The following GRID2 variants were observed in gnomAD, a reference collection of about 807,000 sequenced individuals.
GRID2 encodes glutamate receptor ionotropic, delta-2.
Under a neutral mutation model 114.8 loss-of-function variants are expected in GRID2, and 33 were observed. That is an observed-to-expected ratio of 0.29 (90% confidence interval 0.22 to 0.38). The LOEUF (loss-of-function observed/expected upper bound fraction) is 0.38, where lower values mean the gene tolerates loss of function less well. Among genes scored for constraint, GRID2 ranks in the 10% least tolerant of loss-of-function variants. GRID2 has a pLI of 1.00. For synonymous variants in GRID2, 505 were observed against 449.9 expected (o/e 1.12, Z -1.55); for missense variants, 1,184 against 1,257.7 (o/e 0.94, Z 0.89).
At chr4:92,770,825 G>C (rs1046332503) in intron 2 of GRID2, among the ~76,000 whole-genome samples, 2 of 152,158 alleles carry the variant, frequency 1.3e-5, no homozygotes, top group African/African-American at 4.8e-5. Flanking sequence ...TACAACTCAA[G>C]ATAAGATTTG....
In GRID2 at chr4:92,652,941, T is replaced by TATAAATATATATAAAC. The variant is rs1386961224; in HGVS notation, c.244+62658_244+62659insAATATATATAAACATA. On this transcript the variant is annotated intron_variant, in intron 2 of 15. Transcript: ENST00000282020. ...AAATACATATAAATATATATAAACA[T>TATAAATATATATAAAC]ATATTTATAAATATATATAAACATA... Among the ~76,000 whole-genome samples the TATAAATATATATAAAC allele has an allele frequency of 4.8e-4, 35 of 72,892 alleles. 1 individual carries two copies. The highest frequency in any genetic ancestry group is 1.4e-3 in the African/African-American group (31 of 21,542). 47.8% of individuals were successfully genotyped at this position (72,892 alleles called of 152,430 possible).
chr4:92,696,846 T>C (rs1369713044), intron 2 of GRID2, among the ~76,000 whole-genome samples: 1 of 152,184 alleles, frequency 6.6e-6, no homozygotes, highest in Non-Finnish European at 1.5e-5. Context: ...GAGCCTCTTG[T>C]TACCTTGCAG....
At chr4:93,504,141 G>T (rs1023266078) in intron 12 of GRID2, among the ~76,000 whole-genome samples, 1 of 152,022 alleles carries the variant, frequency 6.6e-6, no homozygotes, top group Non-Finnish European at 1.5e-5. Context: ...TTGATAGTAT[G>T]ATTAATGTTT....
chr4:93,151,120 CAAAAAAA>C (rs3078717), intron 4 of GRID2, among the ~76,000 whole-genome samples: 2 of 102,518 alleles, frequency 2.0e-5, no homozygotes, highest in Admixed American at 2.1e-4. Context: ...TAAGACTCCT[CAAAAAAA>C]AAAAAAAAAG....
chr4:92,482,546 TG>T (rs1404336659), intron 1 of GRID2, among the ~76,000 whole-genome samples: 1 of 152,210 alleles, frequency 6.6e-6, no homozygotes, highest in Non-Finnish European at 1.5e-5. Flanking sequence ...GAATATAATT[TG>T]ACTCCATTTA....
chr4:93,233,373 C>T (rs764229970), intron 7 of GRID2, among the ~76,000 whole-genome samples: 13 of 149,926 alleles, frequency 8.7e-5, no homozygotes, highest in East Asian at 7.8e-4. Context: ...GATGGAGTCT[C>T]GCTGTGTCAT....
At chr4:93,306,285 T>TA (rs1037561328) in intron 8 of GRID2, 4 of 152,152 alleles carry the variant, frequency 2.6e-5, no homozygotes, top group South Asian at 4.1e-4. Context: ...ATGCTGATTT[T>TA]AAAAAAACTT....
chr4:92,607,108 C>A (rs1271898885), intron 2 of GRID2, among the ~76,000 whole-genome samples: 1 of 151,926 alleles, frequency 6.6e-6, no homozygotes, highest in Non-Finnish European at 1.5e-5. Context: ...TGCCTGGTTG[C>A]AATTTTTTGA....
intron 8 of GRID2, among the ~76,000 whole-genome samples, chr4:93,351,705 T>C (rs927335158): frequency 6.6e-6 from 1 of 152,044 alleles, no homozygotes; most frequent in African/African-American, 2.4e-5. Context: ...TTTTATTTAG[T>C]TTTTATAATG....
intron 2 of GRID2, among the ~76,000 whole-genome samples, chr4:92,878,221 T>C (rs1390717142): frequency 1.3e-5 from 2 of 152,190 alleles, no homozygotes; most frequent in South Asian, 2.1e-4. Context: ...CTGCATTACA[T>C]TAATTCTCCA....
chr4:93,322,868 C>G (rs1313148632), intron 8 of GRID2, among the ~76,000 whole-genome samples: 2 of 152,056 alleles, frequency 1.3e-5, no homozygotes, highest in African/African-American at 4.8e-5. Flanking sequence ...CTGTTCATAT[C>G]TTTTGCCCAC....
At chr4:92,610,047 G>A (rs1226665820) in intron 2 of GRID2, among the ~76,000 whole-genome samples, 1 of 151,514 alleles carries the variant, frequency 6.6e-6, no homozygotes, top group Non-Finnish European at 1.5e-5. Context: ...TTTTAGCTGG[G>A]TTTATGGTCC....
At chr4:93,235,428 C>A (rs1250599067) in intron 7 of GRID2, among the ~76,000 whole-genome samples, 3 of 152,156 alleles carry the variant, frequency 2.0e-5, no homozygotes, top group East Asian at 3.9e-4. Flanking sequence ...AATGACCATT[C>A]ATTACCCCTT....
At chr4:92,712,873 A>G (rs1173140634) in intron 2 of GRID2, among the ~76,000 whole-genome samples, 7 of 152,196 alleles carry the variant, frequency 4.6e-5, no homozygotes, top group Admixed American at 4.6e-4. Context: ...TTAATATTTG[A>G]GATCTAGCTA....
chr4:93,376,020 T>C (rs1023004666), intron 8 of GRID2, among the ~76,000 whole-genome samples: 4 of 152,128 alleles, frequency 2.6e-5, no homozygotes, highest in Non-Finnish European at 4.4e-5. Context: ...TGGTCTTCTT[T>C]GCACCCGATG....
chr4:93,369,776 A>C (rs746183150), intron 8 of GRID2, among the ~76,000 whole-genome samples: 16 of 152,200 alleles, frequency 1.1e-4, no homozygotes, highest in Non-Finnish European at 2.1e-4. Flanking sequence ...GGTATAAGCC[A>C]CTGTGCCAGG....
At chr4:92,407,345 A>G (rs1257822917) in intron 1 of GRID2, among the ~76,000 whole-genome samples, 1 of 152,174 alleles carries the variant, frequency 6.6e-6, no homozygotes, top group Non-Finnish European at 1.5e-5. Context: ...ATGGGCGCAT[A>G]GGTTGATTCC....
chr4:93,532,511 G>T (rs192974606), intron 13 of GRID2, among the ~76,000 whole-genome samples: 6 of 152,248 alleles, frequency 3.9e-5, no homozygotes, highest in Non-Finnish European at 7.4e-5. Context: ...AATACTTTGT[G>T]TATTTAACTC....
rs114021871 is a variant in GRID2, at chr4:93,626,453, C to G, written c.2360+18C>G. 1.0e-3 allele frequency: 1,603 copies of G among 1,527,948 alleles called. 20 individuals carry two copies. In the African/African-American group the frequency reaches 0.019, roughly 18 times the overall value. 94.6% of individuals were successfully genotyped at this position (1,527,948 alleles called of 1,614,324 possible). On this transcript the variant is annotated intron_variant, in intron 14 of 15. Transcript: ENST00000282020. ...TCACAAAGGTAAGATTTGTGTATGA[C>G]CAAATAAGGGGAGAGATGAAATTTA... is the stretch of plus-strand genomic sequence containing the variant.
Sources: gnomAD v4.1 joint callset for allele counts (sites outside exome capture counted in the v4.1 genomes callset) on GRCh38, gnomAD v4.1.1 for gene constraint, MANE v1.5 for transcripts, NCBI Gene and HGNC (gene_info 2026-07-23, HGNC 2026-07-21) for gene names.